HLCS: variants seen among roughly 807,000 people sequenced by gnomAD.
HLCS encodes holocarboxylase synthetase.
HLCS carries 53 observed loss-of-function variants against 75.0 expected under a neutral mutation model. The ratio of observed to expected loss-of-function variants is 0.71; its 90% confidence interval spans 0.57 to 0.89. HLCS has a LOEUF of 0.89. Among genes scored for constraint, HLCS ranks in the 40% least tolerant of loss-of-function variants. The pLI, the probability that HLCS is intolerant of heterozygous loss-of-function variation, is 0.00. For missense variants in HLCS, 966 were observed against 1,074.0 expected (o/e 0.90, Z 1.41); for synonymous variants, 431 against 428.6 (o/e 1.01, Z -0.07).
chr21:36,778,666 G>A (rs1568996307), intron 6 of HLCS, among the ~76,000 whole-genome samples: 2 of 152,118 alleles, frequency 1.3e-5, no homozygotes, highest in Non-Finnish European at 1.5e-5. Context: ...TCTACTGTAA[G>A]GAGTAACTTT....
At chr21:36,786,213 G>A (rs2060682170) in intron 6 of HLCS, among the ~76,000 whole-genome samples, 1 of 151,762 alleles carries the variant, frequency 6.6e-6, no homozygotes, top group African/African-American at 2.4e-5. Flanking sequence ...AGTGTATGCT[G>A]CTGTTTTATT....
chr21:36,910,855 C>T (rs2065674149), intron 5 of HLCS, among the ~76,000 whole-genome samples: 1 of 152,138 alleles, frequency 6.6e-6, no homozygotes, highest in Non-Finnish European at 1.5e-5. Flanking sequence ...GCATGAGTTC[C>T]CAAAACTGCT....
chr21:36,851,939 C>T (rs998862284), intron 6 of HLCS: 1 of 152,376 alleles, frequency 6.6e-6, no homozygotes, highest in South Asian at 2.1e-4. Context: ...CCGCAGGCAC[C>T]CTGCTTGTCC....
intron 6 of HLCS, among the ~76,000 whole-genome samples, chr21:36,782,925 C>T (rs983799216): frequency 2.6e-5 from 4 of 151,564 alleles, no homozygotes; most frequent in East Asian, 1.9e-4. Flanking sequence ...CAGAGACTGC[C>T]GAGATCACAC....
intron 6 of HLCS, among the ~76,000 whole-genome samples, chr21:36,829,512 T>C (rs1268063513): frequency 6.6e-6 from 1 of 152,240 alleles, no homozygotes; most frequent in Non-Finnish European, 1.5e-5. Context: ...GGTATTACTA[T>C]AAATATTGTC....
intron 6 of HLCS, among the ~76,000 whole-genome samples, chr21:36,795,492 C>T (rs1170969826): frequency 6.6e-6 from 1 of 152,214 alleles, no homozygotes; most frequent in Non-Finnish European, 1.5e-5. Context: ...TTCATAGTTG[C>T]TATGCTCCAT....
chr21:36,816,862 T>C (rs780186609), intron 6 of HLCS, among the ~76,000 whole-genome samples: 6 of 152,144 alleles, frequency 3.9e-5, no homozygotes, highest in African/African-American at 7.2e-5. Flanking sequence ...GTGGTAAAAA[T>C]TTCCTTTCCC....
intron 6 of HLCS, among the ~76,000 whole-genome samples, chr21:36,881,776 C>A (rs1012299010): frequency 6.6e-6 from 1 of 152,206 alleles, no homozygotes; most frequent in Non-Finnish European, 1.5e-5. Flanking sequence ...TGTCCATACC[C>A]TGAGGAACCT....
At chr21:36,966,734 G>T, upstream of HLCS, 1 of 479,006 alleles carries the variant, frequency 2.1e-6, no homozygotes, top group Non-Finnish European at 2.7e-6. Context: ...CCGCCCCCCC[G>T]GGCCAGGCGG....
At chr21:36,786,574 AAT>A (rs1275128865) in intron 6 of HLCS, among the ~76,000 whole-genome samples, 2 of 152,230 alleles carry the variant, frequency 1.3e-5, no homozygotes, top group East Asian at 3.8e-4. Flanking sequence ...CACAAAATTT[AAT>A]TTAAAAACTA....
At chr21:36,961,988 C>T in intron 2 of HLCS, 48 bp downstream of exon 2, 10 of 1,077,190 alleles carry the variant, frequency 9.3e-6, no homozygotes, top group Non-Finnish European at 1.2e-5. Flanking sequence ...TTGGTTTTGA[C>T]TAAGACACAT....
At chr21:36,896,651 A>G in intron 6 of HLCS, 1 of 593,732 alleles carries the variant, frequency 1.7e-6, no homozygotes, top group South Asian at 2.0e-5. Flanking sequence ...ACCACCTTCC[A>G]TTCCCATAAA....
rs2061989081 is a variant in HLCS at position 36,825,780 on chromosome 21, T to C, written c.1893-58495A>G. On this transcript the variant is annotated intron_variant, in intron 6 of 10. Transcript: ENST00000674895. ...CTCTGGGGATACAGCTTCTAGACAA[T>C]AAGCAGCAAGTTAGAGACTAGAACA... 1.3e-5 allele frequency among the ~76,000 whole-genome samples: 2 copies of C among 152,102 alleles called. 1 individual carries two copies. Among genetic ancestry groups the C allele is most frequent in the South Asian group, 4.1e-4 (2 of 4,820 alleles).
At chr21:36,791,703 C>T (rs1025023079) in intron 6 of HLCS, among the ~76,000 whole-genome samples, 7 of 151,904 alleles carry the variant, frequency 4.6e-5, no homozygotes, top group Non-Finnish European at 1.0e-4. Flanking sequence ...CGAGCACCCT[C>T]GAGGGTGGGC....
At chr21:36,835,949 T>G (rs1415357419) in intron 6 of HLCS, among the ~76,000 whole-genome samples, 1 of 151,216 alleles carries the variant, frequency 6.6e-6, no homozygotes, top group African/African-American at 2.4e-5. Context: ...TGGCTTAGAG[T>G]GGCCTTCTAC....
chr21:36,976,422 A>T (rs2068939216), intron 1 of HLCS, among the ~76,000 whole-genome samples: 1 of 90,314 alleles, frequency 1.1e-5, no homozygotes, highest in Non-Finnish European at 2.4e-5. Flanking sequence ...ATACACACAC[A>T]GAAAAATACA....
intron 3 of HLCS, 77 bp from the exon 4 acceptor site, chr21:36,937,469 T>G: frequency 8.1e-7 from 1 of 1,241,128 alleles, no homozygotes; most frequent in Non-Finnish European, 1.2e-6. Flanking sequence ...CTCAAGAATC[T>G]CATCACCCTC....
intron 2 of HLCS, among the ~76,000 whole-genome samples, chr21:36,953,398 G>C (rs1258563027): frequency 6.6e-6 from 1 of 152,180 alleles, no homozygotes; most frequent in East Asian, 1.9e-4. Flanking sequence ...ACCTAGGATA[G>C]AGGAGGGAAG....
chr21:36,805,620 T>C (rs536735418), intron 6 of HLCS, among the ~76,000 whole-genome samples: 1 of 152,212 alleles, frequency 6.6e-6, no homozygotes, highest in East Asian at 1.9e-4. Context: ...TCCTCCCGAG[T>C]CCTCCCAAGT....
Sources: gnomAD v4.1 joint callset for allele counts (sites outside exome capture counted in the v4.1 genomes callset) on GRCh38, gnomAD v4.1.1 for gene constraint, MANE v1.5 for transcripts, NCBI Gene and HGNC (gene_info 2026-07-23, HGNC 2026-07-21) for gene names.